KCTD1: variants seen among roughly 807,000 people sequenced by gnomAD.
The protein encoded by KCTD1 is potassium channel tetramerization domain containing 1.
In KCTD1, 24 loss-of-function variants were observed where a neutral mutation model predicts 66.0. The ratio of observed to expected loss-of-function variants is 0.36; its 90% CI spans 0.26 to 0.51. The LOEUF (loss-of-function observed/expected upper bound fraction) is 0.51. Among genes scored for constraint, KCTD1 ranks in the 20% least tolerant of loss-of-function variants. KCTD1 has a pLI of 0.95. For synonymous variants in KCTD1, 511 were observed against 517.2 expected, an observed-to-expected ratio of 0.99 and a Z score of 0.16; for missense variants, 943 against 1,205.2, an observed-to-expected ratio of 0.78 and a Z score of 3.22.
chr18:26,593,944 AG>A (rs915949157), intron 1 of KCTD1, among the ~76,000 whole-genome samples: 17 of 151,696 alleles, frequency 1.1e-4, no homozygotes, highest in African/African-American at 1.7e-4. Context: ...AAAGAAGAGA[AG>A]GGGGGGAGAA....
chr18:26,548,668 A>T, upstream of KCTD1: 1 of 923,726 alleles, frequency 1.1e-6, no homozygotes, highest in Non-Finnish European at 1.3e-6. Flanking sequence ...CCGCGCTCCA[A>T]TTGTCATTCC....
chr18:26,651,775 C>T (rs1988038440), intron 1 of KCTD1, among the ~76,000 whole-genome samples: 1 of 100,594 alleles, frequency 9.9e-6, no homozygotes, highest in Non-Finnish European at 1.9e-5. Flanking sequence ...CAGAGCAAAA[C>T]TCGGTCTCAA....
intron 1 of KCTD1, among the ~76,000 whole-genome samples, chr18:26,520,403 C>G (rs1983853576): frequency 6.6e-6 from 1 of 152,236 alleles, no homozygotes; most frequent in Middle Eastern, 3.2e-3. Flanking sequence ...TGTCAAGACT[C>G]TACAACAGAA....
rs934574420 is a variant in KCTD1 at position 26,540,993 on chromosome 18, C to T, written c.1809+5735G>A. The stretch of plus-strand genomic sequence containing the variant: ...AGAGCATTTTCAAGTGGCATTGGCT[C>T]TATCTTCCGGTGGAGATGGTGCTGC... On this transcript the variant is annotated intron_variant, in intron 1 of 4. Coordinates refer to ENST00000580059, the MANE Select transcript of KCTD1 (RefSeq NM_001142730.3). Among the ~76,000 whole-genome samples the T allele has an allele frequency of 3.3e-5, 5 of 152,174 alleles. No homozygotes were observed. The South Asian group carries it at 8.3e-4, about 25-fold the overall frequency.
At chr18:26,598,123 C>T (rs1986810092) in intron 1 of KCTD1, among the ~76,000 whole-genome samples, 1 of 152,214 alleles carries the variant, frequency 6.6e-6, no homozygotes, top group Admixed American at 6.5e-5. Context: ...CCCCTCAACT[C>T]CTAGCAACCA....
At chr18:26,478,869 T>C (rs371538532) in intron 2 of KCTD1, among the ~76,000 whole-genome samples, 1 of 152,280 alleles carries the variant, frequency 6.6e-6, no homozygotes, top group South Asian at 2.1e-4. Context: ...TGCACAGCAA[T>C]AGAAAGTATT....
chr18:26,587,760 A>C (rs1457548119), intron 1 of KCTD1, among the ~76,000 whole-genome samples: 1 of 152,230 alleles, frequency 6.6e-6, no homozygotes, highest in African/African-American at 2.4e-5. Context: ...AAGTAATTGC[A>C]GATGTAGTGG....
chr18:26,599,037 G>C (rs1986831838), intron 1 of KCTD1, among the ~76,000 whole-genome samples: 1 of 151,986 alleles, frequency 6.6e-6, no homozygotes, highest in African/African-American at 2.4e-5. Context: ...TGTTACTTGT[G>C]TTTTTGGTAT....
At chr18:26,525,074 TC>T (rs1056848313) in intron 1 of KCTD1, among the ~76,000 whole-genome samples, 93 of 152,240 alleles carry the variant, frequency 6.1e-4, no homozygotes, top group African/African-American at 2.2e-3. Flanking sequence ...TAACTGCCAA[TC>T]CCCAACACCT....
chr18:26,653,351 C>T (rs1252977093), intron 1 of KCTD1, among the ~76,000 whole-genome samples: 3 of 152,180 alleles, frequency 2.0e-5, no homozygotes, highest in African/African-American at 7.2e-5. Context: ...CCTGGAACTT[C>T]GTCTCTGTTC....
At position 26,592,630 on chromosome 18, in the gene KCTD1, C is replaced by T. The variant is rs770490926; in HGVS notation, c.-16+36517G>A. Among the ~76,000 whole-genome samples the T allele has an allele frequency of 3.9e-5, 6 of 152,348 alleles. No individual in the cohort carries two copies. In the Middle Eastern group the frequency reaches 0.02, roughly 518 times the overall value. On this transcript the variant is annotated intron_variant, in intron 1 of 4. Transcript: ENST00000317932. ...TCTTGCCCTTCTCTACTCCAAAGAT[C>T]TTGACTTCCATCCAGTTCAGCAACC...
chr18:26,593,054 A>C (rs770383389), intron 1 of KCTD1, among the ~76,000 whole-genome samples: 3 of 152,122 alleles, frequency 2.0e-5, no homozygotes, highest in Non-Finnish European at 4.4e-5. Context: ...TCTCACAGAG[A>C]ATGCTGGTCT....
intron 1 of KCTD1, among the ~76,000 whole-genome samples, chr18:26,580,889 T>C (rs1429318343): frequency 3.9e-5 from 6 of 152,362 alleles, no homozygotes; most frequent in Non-Finnish European, 7.3e-5. Flanking sequence ...AACACAGCCA[T>C]GCTCATTTTG....
chr18:26,548,630 G>A (rs550234566), upstream of KCTD1: 22 of 1,153,686 alleles, frequency 1.9e-5, no homozygotes, highest in African/African-American at 8.1e-5. Flanking sequence ...TTCAGCTACC[G>A]GGAGGCAAAG....
At chr18:26,459,548 A>G in intron 4 of KCTD1, 72 bp downstream of exon 4, 1 of 1,437,258 alleles carries the variant, frequency 7.0e-7, no homozygotes, top group Non-Finnish European at 9.4e-7. Flanking sequence ...GAAAGGCACC[A>G]TGTGAGGGCA....
chr18:26,597,209 A>T (rs1267423497), intron 1 of KCTD1, among the ~76,000 whole-genome samples: 1 of 152,120 alleles, frequency 6.6e-6, no homozygotes, highest in Non-Finnish European at 1.5e-5. Context: ...GGGAACACCG[A>T]GATGAAAGTT....
At chr18:26,485,893 C>A (rs993867268) in intron 2 of KCTD1, among the ~76,000 whole-genome samples, 7 of 151,234 alleles carry the variant, frequency 4.6e-5, no homozygotes, top group African/African-American at 1.7e-4. Context: ...TTAAGAGTAT[C>A]AAGTACTCCG....
chr18:26,656,631 G>A (rs1988150693), intron 1 of KCTD1, among the ~76,000 whole-genome samples: 1 of 151,240 alleles, frequency 6.6e-6, no homozygotes, highest in African/African-American at 2.4e-5. Flanking sequence ...AAACCGCCCC[G>A]GGCCCCAGTC....
chr18:26,587,623 A>T (rs1270358885), intron 1 of KCTD1, among the ~76,000 whole-genome samples: 1 of 152,248 alleles, frequency 6.6e-6, no homozygotes, highest in African/African-American at 2.4e-5. Context: ...TTTAGATGCC[A>T]TTAAGAACAT....
Sources: gnomAD v4.1 joint callset for allele counts (sites outside exome capture counted in the v4.1 genomes callset) on GRCh38, gnomAD v4.1.1 for gene constraint, MANE v1.5 for transcripts, NCBI Gene and HGNC (gene_info 2026-07-23, HGNC 2026-07-21) for gene names.